GUCY1B1: variants seen among roughly 807,000 people sequenced by gnomAD.
GUCY1B1 encodes guanylate cyclase soluble subunit beta-1.
In GUCY1B1, 43 loss-of-function variants were observed where a neutral mutation model predicts 71.0. That is an observed-to-expected ratio of 0.61 (90% confidence interval 0.47 to 0.78). GUCY1B1 has a LOEUF of 0.78. Ranked by LOEUF, GUCY1B1 falls within the 30% of genes least tolerant of loss-of-function variation. The pLI, the probability that GUCY1B1 is intolerant of heterozygous loss-of-function variation, is 0.00. For missense variants in GUCY1B1, 535 were observed against 754.1 expected (o/e 0.71, Z 3.40); for synonymous variants, 266 against 259.7 (o/e 1.02, Z -0.23).
At chr4:155,791,338 C>T (rs938448099) in intron 5 of GUCY1B1, among the ~76,000 whole-genome samples, 2 of 149,154 alleles carry the variant, frequency 1.3e-5, no homozygotes, top group Non-Finnish European at 3.0e-5. Flanking sequence ...GATGGTCTCT[C>T]TCTCCTGACC....
chr4:155,759,485 C>G lies in GUCY1B1; in HGVS notation c.4-302C>G, dbSNP rs1736802290. ...CTGAGCGCCAGCGGAAGGGAAGGCT[C>G]CGGGTTCGCGTCCCCGCGCTGCCCC... On this transcript the variant is annotated intron_variant, in intron 1 of 13. Transcript: ENST00000264424. The G allele has an allele frequency of 5.6e-5, 28 of 502,968 alleles. No homozygotes were observed. In the South Asian group the frequency reaches 8.2e-4, roughly 15 times the overall value. The allele number at this position is 502,968 out of a possible 1,614,324, so 31.2% of individuals were successfully genotyped here.
At chr4:155,779,669 G>A (rs1738285371) in intron 4 of GUCY1B1, among the ~76,000 whole-genome samples, 1 of 152,060 alleles carries the variant, frequency 6.6e-6, no homozygotes, top group Non-Finnish European at 1.5e-5. Context: ...TTAAAATACT[G>A]CTTTTCTAAA....
intron 1 of GUCY1B1, chr4:155,759,413 A>T (rs1032262712): frequency 3.7e-6 from 2 of 541,318 alleles, no homozygotes; most frequent in Non-Finnish European, 6.5e-6. Flanking sequence ...GGTGCGGCGG[A>T]GGCGTGGGGT....
chr4:155,771,302 A>G (rs1202956442), intron 2 of GUCY1B1, among the ~76,000 whole-genome samples: 1 of 152,160 alleles, frequency 6.6e-6, no homozygotes, highest in Non-Finnish European at 1.5e-5. Context: ...AGCTTTGATG[A>G]TAAGGGAGCT....
chr4:155,774,916 A>AT (rs1204257760), intron 2 of GUCY1B1, 52 bp from the exon 3 acceptor site: 15 of 956,466 alleles, frequency 1.6e-5, no homozygotes, highest in African/African-American at 9.7e-5. Flanking sequence ...TATAGTAGCT[A>AT]TTTTTTTAAC....
intron 4 of GUCY1B1, among the ~76,000 whole-genome samples, chr4:155,786,529 G>A (rs1476218235): frequency 2.8e-5 from 4 of 143,700 alleles, no homozygotes; most frequent in African/African-American, 1.0e-4. Flanking sequence ...GAGTGCAGTG[G>A]CGAGATTTCG....
At chr4:155,790,489 G>T (rs1429959867) in intron 5 of GUCY1B1, among the ~76,000 whole-genome samples, 1 of 152,116 alleles carries the variant, frequency 6.6e-6, no homozygotes, top group Non-Finnish European at 1.5e-5. Context: ...TGATTTCAAG[G>T]TACTGATAGG....
chr4:155,796,873 C>T (rs1288886333), intron 8 of GUCY1B1, among the ~76,000 whole-genome samples: 2 of 152,080 alleles, frequency 1.3e-5, no homozygotes, highest in Non-Finnish European at 2.9e-5. Context: ...ATAATAAATA[C>T]ATTGGTATAT....
intron 5 of GUCY1B1, among the ~76,000 whole-genome samples, chr4:155,791,743 G>GCAAAAAAAAAAAAAAAACAAAA (rs1739190885): frequency 1.7e-5 from 1 of 60,034 alleles, no homozygotes; most frequent in Non-Finnish European, 4.6e-5. Context: ...AAAAAATAGA[G>GCAAAAAAAAAAAAAAAACAAAA]AAAAAAAAAA....
intron 2 of GUCY1B1, among the ~76,000 whole-genome samples, chr4:155,774,003 C>A (rs1029382170): frequency 2.0e-5 from 3 of 152,158 alleles, no homozygotes; most frequent in Non-Finnish European, 2.9e-5. Flanking sequence ...CACTTCTTAC[C>A]TGAATGTTGG....
chr4:155,779,704 G>A (rs1220516273), intron 4 of GUCY1B1, among the ~76,000 whole-genome samples: 1 of 152,016 alleles, frequency 6.6e-6, no homozygotes, highest in Admixed American at 6.6e-5. Flanking sequence ...GTTATCATTA[G>A]GCTGATTACA....
In GUCY1B1 at chr4:155,806,443, T is replaced by A. The variant is rs761479051; in HGVS notation, c.*34T>A. The A allele has an allele frequency of 6.5e-7, 1 of 1,540,884 alleles. No individual in the cohort carries two copies. Among genetic ancestry groups the A allele is most frequent in the Admixed American group, 1.7e-5 (1 of 59,530 alleles). Reference sequence around the variant, plus strand: ...TTATGGGGTGAAGAGGAGTACAGACTAGGTTCCAGTTTTCTCCTAACACGT... The same window carrying A: ...TTATGGGGTGAAGAGGAGTACAGACAAGGTTCCAGTTTTCTCCTAACACGT... On this transcript the variant is annotated 3_prime_UTR_variant, in exon 14 of 14. Coordinates refer to ENST00000264424, the MANE Select transcript of GUCY1B1 (RefSeq NM_000857.5).
intron 2 of GUCY1B1, 36 bp downstream of exon 2, chr4:155,759,896 G>T (rs763214796): frequency 2.0e-6 from 3 of 1,520,836 alleles, no homozygotes; most frequent in Admixed American, 3.4e-5. Flanking sequence ...GGCCCAGGTC[G>T]GCGCCCAGTG....
Position 155,789,790 on chromosome 4 carries a change from C to A in GUCY1B1, c.374C>A (p.Ala125Glu). Residue 125 changes from alanine (A) to glutamate (E), a missense_variant, in exon 5 of 14, where the codon GCA becomes GAA. Coordinates refer to ENST00000264424, the MANE Select transcript of GUCY1B1 (RefSeq NM_000857.5). The part of the protein sequence containing the change: ...MRAPSFRCTD[A>E]EKGKGLILHY... ...GCACCTTCCTTTAGGTGCACTGATG[C>A]AGAAAAGGGCAAAGGACTCATTTTG... The A allele has an allele frequency of 6.2e-7, 1 of 1,606,870 alleles. No individual in the cohort carries two copies. The highest frequency in any genetic ancestry group is 1.1e-5 in the South Asian group (1 of 90,938).
Position 155,807,589 on chromosome 4 carries a change from G to C in GUCY1B1, c.*1180G>C, listed in dbSNP as rs1029611692. ...GTCTGTAATAAATTATTTTTTTCAC[G>C]TGTCTCTATACAGTTTTTATTTCAA... is the stretch of plus-strand genomic sequence containing the variant. On this transcript the variant is annotated 3_prime_UTR_variant, in exon 14 of 14. Coordinates refer to ENST00000264424, the MANE Select transcript of GUCY1B1 (RefSeq NM_000857.5). 1 of 151,732 alleles carries C rather than the reference G, an allele frequency of 6.6e-6. No homozygotes were observed. The highest frequency in any genetic ancestry group is 2.1e-4 in the South Asian group (1 of 4,822). 9.4% of individuals were successfully genotyped at this position (151,732 alleles called of 1,614,324 possible). A position where few individuals can be genotyped will look rare whatever the true frequency, so the allele number is the denominator to read the frequency against.
chr4:155,787,690 A>G (rs1275300518), intron 4 of GUCY1B1, among the ~76,000 whole-genome samples: 1 of 152,210 alleles, frequency 6.6e-6, no homozygotes, highest in African/African-American at 2.4e-5. Flanking sequence ...TATAATGCAC[A>G]TACAATAACA....
intron 2 of GUCY1B1, among the ~76,000 whole-genome samples, chr4:155,764,629 A>G: frequency 6.6e-6 from 1 of 152,236 alleles, no homozygotes; most frequent in East Asian, 1.9e-4. Flanking sequence ...GACTAAGGAA[A>G]CAAGTAAACC....
intron 4 of GUCY1B1, among the ~76,000 whole-genome samples, chr4:155,788,438 A>G (rs998429276): frequency 6.6e-6 from 1 of 152,158 alleles, no homozygotes; most frequent in Non-Finnish European, 1.5e-5. Context: ...TCTCTCTGTC[A>G]CCATGTAGCA....
At chr4:155,769,028 C>T (rs1737529881) in intron 2 of GUCY1B1, among the ~76,000 whole-genome samples, 1 of 152,156 alleles carries the variant, frequency 6.6e-6, no homozygotes, top group African/African-American at 2.4e-5. Flanking sequence ...TCTTCTTCCA[C>T]TTGCCATTTC....
Sources: gnomAD v4.1 joint callset for allele counts (sites outside exome capture counted in the v4.1 genomes callset) on GRCh38, gnomAD v4.1.1 for gene constraint, MANE v1.5 for transcripts, NCBI Gene and HGNC (gene_info 2026-07-23, HGNC 2026-07-21) for gene names.